Variants in FAM163A observed in about 807,000 individuals in gnomAD.
FAM163A encodes the protein protein FAM163A.
Under a neutral mutation model 12.0 loss-of-function variants are expected in FAM163A, and 7 were observed. The ratio of observed to expected loss-of-function variants is 0.58; its 90% CI spans 0.33 to 1.10. FAM163A has a LOEUF of 1.10. Among genes scored for constraint, FAM163A ranks in the 50% least tolerant of loss-of-function variants. The pLI is 0.03. For missense variants in FAM163A, 202 were observed against 218.6 expected (o/e 0.92, Z 0.48); for synonymous variants, 101 against 91.0 (o/e 1.11, Z -0.62).
the FAM163A span, among the ~76,000 whole-genome samples, chr1:179,731,405 C>T: frequency 6.6e-6 from 1 of 151,238 alleles, no homozygotes; most frequent in African/African-American, 2.5e-5. Context: ...CCTCAGAGAG[C>T]AATACTGAAT....
intron 1 of FAM163A, among the ~76,000 whole-genome samples, chr1:179,747,083 A>G (rs1280282151): frequency 6.6e-6 from 1 of 152,052 alleles, no homozygotes; most frequent in Non-Finnish European, 1.5e-5. Flanking sequence ...CTGTGACTGG[A>G]CATCAGAAAG....
the FAM163A span, among the ~76,000 whole-genome samples, chr1:179,735,477 C>A: frequency 7.0e-6 from 1 of 142,906 alleles, no homozygotes; most frequent in Non-Finnish European, 1.5e-5. Context: ...TGAGTTGGAA[C>A]CGTAAAGGAG....
At chr1:179,759,253 CA>C (rs1353531262) in intron 1 of FAM163A, among the ~76,000 whole-genome samples, 3 of 152,178 alleles carry the variant, frequency 2.0e-5, no homozygotes, top group Non-Finnish European at 4.4e-5. Context: ...TGTGTTCAGA[CA>C]TTGCCAATTG....
chr1:179,757,121 G>A (rs903403703), intron 1 of FAM163A, among the ~76,000 whole-genome samples: 1 of 148,672 alleles, frequency 6.7e-6, no homozygotes, highest in African/African-American at 2.5e-5. Context: ...TTTATTCCTA[G>A]TAGCTTTGTT....
intron 1 of FAM163A, among the ~76,000 whole-genome samples, chr1:179,781,097 G>A (rs1474370594): frequency 6.6e-6 from 1 of 152,142 alleles, no homozygotes; most frequent in Non-Finnish European, 1.5e-5. Flanking sequence ...TAAAATGAGG[G>A]GCTTAACCGA....
the FAM163A span, among the ~76,000 whole-genome samples, chr1:179,729,733 C>T: frequency 7.2e-5 from 11 of 152,224 alleles, no homozygotes; most frequent in Admixed American, 5.2e-4. Flanking sequence ...ACAAGACCAG[C>T]TCCTGGCCCC....
rs547733316 is a variant in FAM163A at position 179,755,318 on chromosome 1, T to C, written c.-136+11895T>C. 5.3e-5 allele frequency among the ~76,000 whole-genome samples: 8 copies of C among 152,104 alleles called. No homozygotes were observed. In the East Asian group the frequency reaches 1.5e-3, roughly 29 times the overall value. On this transcript the variant is annotated intron_variant, in intron 1 of 4. Transcript: ENST00000341785. Reference sequence around the variant, plus strand: ...ACTGTGAGGGTGGTCCAGGTGAGGGTTGACCAGAAACAGTTTCAGTGATAA... The same window carrying C: ...ACTGTGAGGGTGGTCCAGGTGAGGGCTGACCAGAAACAGTTTCAGTGATAA...
intron 1 of FAM163A, among the ~76,000 whole-genome samples, chr1:179,787,319 C>A (rs1371843568): frequency 5.3e-5 from 8 of 152,148 alleles, no homozygotes; most frequent in Admixed American, 5.2e-4. Flanking sequence ...CTAAAATGCA[C>A]ATCAATGATA....
At position 179,783,730 on chromosome 1, in the gene FAM163A, ATAATTGAG is replaced by A. The variant is rs1690133734; in HGVS notation, c.-135-24067_-135-24060del. On this transcript the variant is annotated intron_variant, in intron 1 of 4. Coordinates refer to ENST00000341785, the MANE Select transcript of FAM163A (RefSeq NM_173509.3). ...CTTTTTTATACTTCCCAAATTTTAT[ATAATTGAG>A]CCCAAATATTATATATATATTATAT... 1.5e-5 allele frequency among the ~76,000 whole-genome samples: 2 copies of A among 137,552 alleles called. 1 individual carries two copies. Among genetic ancestry groups the A allele is most frequent in the Non-Finnish European group, 3.1e-5 (2 of 64,966 alleles). 90.2% of individuals were successfully genotyped at this position (137,552 alleles called of 152,430 possible).
chr1:179,810,421 G>A (rs1694552673), intron 2 of FAM163A, among the ~76,000 whole-genome samples: 1 of 152,170 alleles, frequency 6.6e-6, no homozygotes, highest in Admixed American at 6.5e-5. Flanking sequence ...AGTTCATCTG[G>A]ATTCCTTGAC....
At chr1:179,739,034 T>C (rs1326954188), upstream of FAM163A, among the ~76,000 whole-genome samples, 2 of 152,156 alleles carry the variant, frequency 1.3e-5, no homozygotes, top group Non-Finnish European at 2.9e-5. Flanking sequence ...GCCCAGCTGA[T>C]TCTTGACAAA....
At chr1:179,800,712 G>A (rs1049921452) in intron 1 of FAM163A, among the ~76,000 whole-genome samples, 3 of 152,170 alleles carry the variant, frequency 2.0e-5, no homozygotes, top group Admixed American at 1.3e-4. Flanking sequence ...TTAGCGCTCA[G>A]TAAGTAGTAG....
the FAM163A span, among the ~76,000 whole-genome samples, chr1:179,732,919 G>T: frequency 7.2e-6 from 1 of 138,908 alleles, no homozygotes; most frequent in Non-Finnish European, 1.5e-5. Context: ...TTGTTTACAT[G>T]ATTGTTAGTC....
intron 1 of FAM163A, among the ~76,000 whole-genome samples, chr1:179,799,905 A>C (rs888523822): frequency 2.0e-5 from 3 of 152,242 alleles, no homozygotes; most frequent in African/African-American, 4.8e-5. Context: ...GTTCTCAGGA[A>C]GAGAGGCCTG....
chr1:179,754,640 G>C (rs376717059), intron 1 of FAM163A, among the ~76,000 whole-genome samples: 26 of 152,272 alleles, frequency 1.7e-4, no homozygotes, highest in East Asian at 9.7e-4. Context: ...GGGCCAAGAG[G>C]CTTCAAGAGA....
chr1:179,783,743 A>ATTTATTATATAT (rs1557940151), intron 1 of FAM163A, among the ~76,000 whole-genome samples: 5 of 57,908 alleles, frequency 8.6e-5, no homozygotes, highest in South Asian at 9.0e-4. Context: ...ATTGAGCCCA[A>ATTTATTATATAT]ATATTATATA....
chr1:179,730,710 A>G, the FAM163A span, among the ~76,000 whole-genome samples: 73 of 152,198 alleles, frequency 4.8e-4, 1 homozygote, highest in African/African-American at 1.7e-3. Context: ...AAAACTTTTT[A>G]TATGCAAAAA....
At chr1:179,801,224 TGGAAGCCTTGTGCAGTGCCTG>T (rs927800620) in intron 1 of FAM163A, among the ~76,000 whole-genome samples, 17 of 151,938 alleles carry the variant, frequency 1.1e-4, no homozygotes, top group Admixed American at 1.1e-3. Context: ...TCCCAATTCC[TGGAAGCCTTGTGCAGTGCCTG>T]ACTGCTGGGA....
At chr1:179,730,744 G>GCTTTTTTCTTAAGGTT in the FAM163A span, among the ~76,000 whole-genome samples, 2 of 152,238 alleles carry the variant, frequency 1.3e-5, no homozygotes, top group African/African-American at 4.8e-5. Flanking sequence ...GTACAAAATA[G>GCTTTTTTCTTAAGGTT]CTTTTTTCTT....
Sources: allele counts gnomAD v4.1 joint callset (sites outside exome capture counted in the v4.1 genomes callset), GRCh38; gene constraint gnomAD v4.1.1; transcripts MANE v1.5; gene names NCBI Gene and HGNC (gene_info 2026-07-23, HGNC 2026-07-21).